Variants in SGCD observed in about 807,000 individuals in gnomAD.
The protein encoded by SGCD is delta-sarcoglycan.
A neutral mutation model predicts 36.6 loss-of-function variants in SGCD; 18 were observed. The observed-to-expected ratio is 0.49, with a 90% CI of 0.34 to 0.73. SGCD has a LOEUF of 0.73. SGCD is among the 30% of genes least tolerant of loss of function. SGCD has a pLI of 0.01. For missense variants in SGCD, 387 were observed against 346.7 expected (o/e 1.12, Z -0.92); for synonymous variants, 133 against 130.6 (o/e 1.02, Z -0.12).
the SGCD span, among the ~76,000 whole-genome samples, chr5:155,808,667 T>C: frequency 6.6e-6 from 1 of 152,190 alleles, no homozygotes; most frequent in Non-Finnish European, 1.5e-5. Context: ...AAATAAACTT[T>C]AGGGATTATC....
Position 156,101,941 on chromosome 5 carries a change from T to TGA in SGCD, c.-281-15910_-281-15909dup, listed in dbSNP as rs67401229. ...GTGTGTGTGTGTGTGTGTGTGTGTG[T>TGA]GAGAGAGAGAGAGAGAGAGAGAGAG... On this transcript the variant is annotated intron_variant, in intron 1 of 9. Transcript: ENST00000517913. 3.6e-3 allele frequency among the ~76,000 whole-genome samples: 501 copies of TGA among 138,312 alleles called. 2 individuals carry two copies. Among genetic ancestry groups the TGA allele is most frequent in the East Asian group, 6.8e-3 (31 of 4,562 alleles). 90.7% of individuals were successfully genotyped at this position (138,312 alleles called of 152,430 possible).
In SGCD at chr5:156,749,044, C is replaced by T. The variant is rs115286904; in HGVS notation, c.576-8537C>T. Among the ~76,000 whole-genome samples the T allele has an allele frequency of 1.7e-4, 26 of 152,124 alleles. No individual in the cohort carries two copies. The East Asian group carries it at 2.3e-3, about 14-fold the overall frequency. The stretch of plus-strand genomic sequence containing the variant: ...CTTCCCAAAGTGCTAGGATTATAGG[C>T]GTGAGCCATTGAGCCCGGGCTCAAT... On this transcript the variant is annotated intron_variant, in intron 7 of 8. Coordinates refer to ENST00000337851, the MANE Select transcript of SGCD (RefSeq NM_000337.6).
intron 1 of SGCD, among the ~76,000 whole-genome samples, chr5:156,104,105 G>T (rs977915014): frequency 2.0e-5 from 3 of 152,080 alleles, no homozygotes; most frequent in South Asian, 2.1e-4. Context: ...TGGGCTAGTT[G>T]TCCCTGTTAA....
chr5:155,873,632 T>A (rs1293568684), intron 1 of SGCD, among the ~76,000 whole-genome samples: 1 of 152,158 alleles, frequency 6.6e-6, no homozygotes, highest in Non-Finnish European at 1.5e-5. Flanking sequence ...AACTTCACAG[T>A]GTATCCACGT....
At chr5:156,381,762 A>G (rs1231589924) in intron 3 of SGCD, among the ~76,000 whole-genome samples, 2 of 152,174 alleles carry the variant, frequency 1.3e-5, no homozygotes, top group African/African-American at 4.8e-5. Context: ...ATAAGGCAGT[A>G]GTATGATTGG....
intron 4 of SGCD, among the ~76,000 whole-genome samples, chr5:156,562,604 G>A (rs548089496): frequency 2.6e-5 from 4 of 152,034 alleles, no homozygotes; most frequent in African/African-American, 9.7e-5. Flanking sequence ...ATTTTGAGGA[G>A]AGGAAACGCA....
At chr5:156,221,384 G>A (rs75360967) in intron 3 of SGCD, among the ~76,000 whole-genome samples, 2,612 of 152,120 alleles carry the variant, frequency 0.017, 82 homozygotes, top group African/African-American at 0.055. Context: ...ATTTAGAAAT[G>A]CAATATAGTT....
At chr5:156,068,720 C>G (rs942328036) in intron 1 of SGCD, among the ~76,000 whole-genome samples, 6 of 151,640 alleles carry the variant, frequency 4.0e-5, no homozygotes, top group South Asian at 2.1e-4. Context: ...AATGGTTGAA[C>G]TAGTTTACAG....
chr5:156,248,881 C>G (rs1765505993), intron 3 of SGCD, among the ~76,000 whole-genome samples: 1 of 152,112 alleles, frequency 6.6e-6, no homozygotes, highest in Non-Finnish European at 1.5e-5. Flanking sequence ...GGTGGGTTGG[C>G]AAGCTGATGT....
At chr5:156,551,755 T>C (rs1431070463) in intron 4 of SGCD, among the ~76,000 whole-genome samples, 1 of 152,160 alleles carries the variant, frequency 6.6e-6, no homozygotes, top group Non-Finnish European at 1.5e-5. Context: ...GGTCTAGCGA[T>C]CCTGCTGTCA....
chr5:155,774,740 A>T, the SGCD span, among the ~76,000 whole-genome samples: 1 of 152,086 alleles, frequency 6.6e-6, no homozygotes, highest in Admixed American at 6.6e-5. Context: ...GCCCACCTGG[A>T]TGATCCAGGA....
At position 155,890,143 on chromosome 5, in the gene SGCD, G is replaced by A. The variant is rs145771294; in HGVS notation, c.-282+19719G>A. ...CTATATTTGAGGCTTGGAAAGCCATGATGAACCATGGACAAGCTAAAAGTA... is the reference window on the plus strand; with the variant it reads ...CTATATTTGAGGCTTGGAAAGCCATAATGAACCATGGACAAGCTAAAAGTA... On this transcript the variant is annotated intron_variant, in intron 1 of 9. Coordinates refer to the SGCD transcript ENST00000517913. Among the ~76,000 whole-genome samples the A allele has an allele frequency of 5.2e-3, 791 of 152,300 alleles. 2 individuals carry two copies. Among genetic ancestry groups the A allele is most frequent in the Middle Eastern group, 0.021 (6 of 292 alleles).
chr5:156,377,874 A>G (rs1554097950), intron 3 of SGCD, among the ~76,000 whole-genome samples: 1 of 152,204 alleles, frequency 6.6e-6, no homozygotes, highest in Non-Finnish European at 1.5e-5. Flanking sequence ...GAAAAACTCA[A>G]GGTCTATGGA....
the SGCD span, among the ~76,000 whole-genome samples, chr5:155,753,093 T>A: frequency 6.6e-6 from 1 of 152,022 alleles, no homozygotes; most frequent in Non-Finnish European, 1.5e-5. Flanking sequence ...ATCCCAGCAC[T>A]TTGGGAGGCC....
intron 3 of SGCD, among the ~76,000 whole-genome samples, chr5:156,304,824 T>A (rs199790477): frequency 6.6e-6 from 1 of 152,292 alleles, no homozygotes; most frequent in East Asian, 1.9e-4. Flanking sequence ...CAGATGGAGA[T>A]GAGGCGCTTG....
At chr5:156,721,137 G>A (rs1755480787) in intron 7 of SGCD, among the ~76,000 whole-genome samples, 1 of 152,142 alleles carries the variant, frequency 6.6e-6, no homozygotes, top group Non-Finnish European at 1.5e-5. Context: ...CTGGAGAGTT[G>A]GGGAGGGGAA....
intron 4 of SGCD, among the ~76,000 whole-genome samples, chr5:156,539,421 TC>T (rs1331616346): frequency 2.6e-5 from 4 of 151,214 alleles, no homozygotes; most frequent in Non-Finnish European, 5.9e-5. Context: ...TTCCATCCTT[TC>T]CCCCAAGTCC....
At chr5:156,607,696 G>A (rs1222617505) in intron 6 of SGCD, among the ~76,000 whole-genome samples, 1 of 50,534 alleles carries the variant, frequency 2.0e-5, no homozygotes, top group Non-Finnish European at 3.6e-5. Context: ...TTGTTTGGTA[G>A]GCTATTAATT....
At position 156,239,980 on chromosome 5, in the gene SGCD, G is replaced by A. The variant is rs1765268752; in HGVS notation, c.-43-89554G>A. Among the ~76,000 whole-genome samples the A allele has an allele frequency of 2.0e-5, 3 of 152,264 alleles. No homozygotes were observed. The South Asian group carries it at 6.2e-4, about 32-fold the overall frequency. On this transcript the variant is annotated intron_variant, in intron 3 of 9. Transcript: ENST00000517913. ...AGATCAGTGATTGTAATTTCAAAAG[G>A]GTCAAAGTCCCAAATAGGTAACTTA...
Sources: gnomAD v4.1 joint callset for allele counts (sites outside exome capture counted in the v4.1 genomes callset) on GRCh38, gnomAD v4.1.1 for gene constraint, MANE v1.5 for transcripts, NCBI Gene and HGNC (gene_info 2026-07-23, HGNC 2026-07-21) for gene names.